PDE3A: variants seen among roughly 807,000 people sequenced by gnomAD.
The protein encoded by PDE3A is phosphodiesterase 3A, also known as cGMP-inhibited 3',5'-cyclic phosphodiesterase 3A.
A neutral mutation model predicts 98.3 loss-of-function variants in PDE3A; 43 were observed. The observed-to-expected ratio is 0.44, with a 90% CI of 0.34 to 0.56. PDE3A has a LOEUF of 0.56. PDE3A is among the 20% of genes least tolerant of loss of function. The pLI is 0.01. For missense variants in PDE3A, 1,427 were observed against 1,440.7 expected, an observed-to-expected ratio of 0.99 and a Z score of 0.15; for synonymous variants, 663 against 567.9, an observed-to-expected ratio of 1.17 and a Z score of -2.38.
intron 1 of PDE3A, among the ~76,000 whole-genome samples, chr12:20,474,846 T>C (rs1427853644): frequency 6.6e-6 from 1 of 152,212 alleles, no homozygotes; most frequent in Non-Finnish European, 1.5e-5. Flanking sequence ...ATCCTTAATT[T>C]AGTCTCATCC....
intron 1 of PDE3A, among the ~76,000 whole-genome samples, chr12:20,380,609 T>G (rs1943647169): frequency 6.6e-6 from 1 of 151,808 alleles, no homozygotes; most frequent in Non-Finnish European, 1.5e-5. Context: ...GATCATGACA[T>G]TAGATGAACT....
In PDE3A at chr12:20,621,419, A is replaced by G; in HGVS notation, c.1540+8A>G. On this transcript the variant is annotated splice_region_variant and intron_variant, in intron 5 of 15. Coordinates refer to ENST00000359062, the MANE Select transcript of PDE3A (RefSeq NM_000921.5). ...AAAAGCAAAGTCGACCAGGTAAGTA[A>G]CTTAACTGGAGAAGGGTTCATACTG... 1 of 1,416,780 alleles carries G rather than the reference A, an allele frequency of 7.1e-7. No homozygotes were observed. The highest frequency in any genetic ancestry group is 1.0e-6 in the Non-Finnish European group (1 of 1,000,312). 87.8% of individuals were successfully genotyped at this position (1,416,780 alleles called of 1,614,324 possible).
intron 1 of PDE3A, among the ~76,000 whole-genome samples, chr12:20,529,853 C>T (rs1232705071): frequency 6.6e-6 from 1 of 152,154 alleles, no homozygotes; most frequent in Non-Finnish European, 1.5e-5. Flanking sequence ...GTCATGGTCT[C>T]CTGGAGAAGT....
At chr12:20,485,306 A>C (rs1396951599) in intron 1 of PDE3A, among the ~76,000 whole-genome samples, 1 of 151,054 alleles carries the variant, frequency 6.6e-6, no homozygotes, top group African/African-American at 2.4e-5. Context: ...TCTGAATCCA[A>C]ATTTCTTTTT....
intron 2 of PDE3A, among the ~76,000 whole-genome samples, chr12:20,608,206 G>A (rs150513910): frequency 2.0e-5 from 3 of 152,284 alleles, no homozygotes; most frequent in African/African-American, 4.8e-5. Context: ...CAGGTTTGCT[G>A]CAAACAAATC....
chr12:20,420,213 G>A (rs551299743), intron 1 of PDE3A, among the ~76,000 whole-genome samples: 1 of 152,258 alleles, frequency 6.6e-6, no homozygotes, highest in South Asian at 2.1e-4. Context: ...TGGAGCCAGG[G>A]CTTCGGAGAA....
At chr12:20,666,201 G>C (rs1280408512) in intron 15 of PDE3A, among the ~76,000 whole-genome samples, 1 of 152,014 alleles carries the variant, frequency 6.6e-6, no homozygotes, top group South Asian at 2.1e-4. Context: ...CTGACCTCAA[G>C]TGGTCCATCC....
At chr12:20,517,351 A>C (rs932672983) in intron 1 of PDE3A, among the ~76,000 whole-genome samples, 1 of 152,194 alleles carries the variant, frequency 6.6e-6, no homozygotes, top group Non-Finnish European at 1.5e-5. Flanking sequence ...GGGTTGGACT[A>C]TGGGGATTAT....
rs541511763 is a variant in PDE3A at position 20,628,437 on chromosome 12, C to T, written c.1541-1471C>T. Among the ~76,000 whole-genome samples, 9 of 152,262 alleles carry T rather than the reference C, an allele frequency of 5.9e-5. 1 individual carries two copies. Among genetic ancestry groups the T allele is most frequent in the Non-Finnish European group, 5.9e-5 (4 of 68,032 alleles). ...GGAGCAATGCAAACGCTGCCTAATA[C>T]GCCATGGGTTTTACTTCCCCCTTGG... On this transcript the variant is annotated intron_variant, in intron 5 of 15. Coordinates refer to ENST00000359062, the MANE Select transcript of PDE3A (RefSeq NM_000921.5).
At chr12:20,548,524 G>C (rs1304346753) in intron 1 of PDE3A, among the ~76,000 whole-genome samples, 1 of 151,866 alleles carries the variant, frequency 6.6e-6, no homozygotes, top group East Asian at 1.9e-4. Flanking sequence ...TATTTTTCCA[G>C]TCTCAATCTC....
At chr12:20,622,572 T>C (rs1490363127) in intron 5 of PDE3A, among the ~76,000 whole-genome samples, 2 of 152,180 alleles carry the variant, frequency 1.3e-5, no homozygotes, top group Non-Finnish European at 2.9e-5. Flanking sequence ...AAGTCATTAT[T>C]GACCTGCTAA....
At chr12:20,593,444 G>A (rs1943387901) in intron 2 of PDE3A, among the ~76,000 whole-genome samples, 2 of 152,092 alleles carry the variant, frequency 1.3e-5, no homozygotes, top group South Asian at 4.2e-4. Context: ...ATTGGGAAAA[G>A]CCAAGTTTGT....
intron 1 of PDE3A, among the ~76,000 whole-genome samples, chr12:20,528,309 ATGGTTGTGTTTTGTGATCTG>A (rs1264000631): frequency 3.9e-5 from 6 of 152,260 alleles, no homozygotes; most frequent in Middle Eastern, 3.4e-3. Flanking sequence ...CATTATGTAC[ATGGTTGTGTTTTGTGATCTG>A]TGCTAGCACA....
intron 7 of PDE3A, 99 bp downstream of exon 7, chr12:20,633,877 G>A (rs1249908507): frequency 1.5e-6 from 1 of 669,970 alleles, no homozygotes; most frequent in Non-Finnish European, 2.6e-6. Context: ...ATTTTGTGGG[G>A]CGCTGGGAGA....
chr12:20,450,084 G>T, intron 1 of PDE3A: 1 of 550,832 alleles, frequency 1.8e-6, no homozygotes. Context: ...GCCTTCTGCT[G>T]GTGCCGTCTT....
At chr12:20,448,197 T>C (rs1307094793) in intron 1 of PDE3A, among the ~76,000 whole-genome samples, 5 of 152,120 alleles carry the variant, frequency 3.3e-5, no homozygotes, top group African/African-American at 7.2e-5. Flanking sequence ...GCTAGCACTT[T>C]GGGAGGCCGA....
intron 1 of PDE3A, among the ~76,000 whole-genome samples, chr12:20,457,937 T>A (rs1385107880): frequency 6.6e-6 from 1 of 152,110 alleles, no homozygotes; most frequent in Non-Finnish European, 1.5e-5. Flanking sequence ...ATTTATACAG[T>A]TAGATATTAT....
chr12:20,490,156 T>C (rs751826431), intron 1 of PDE3A, among the ~76,000 whole-genome samples: 6 of 152,222 alleles, frequency 3.9e-5, no homozygotes, highest in African/African-American at 7.2e-5. Flanking sequence ...ATTGAGTTTG[T>C]ATGATTTTTT....
chr12:20,559,593 C>T (rs920501826), intron 2 of PDE3A, among the ~76,000 whole-genome samples: 8 of 151,594 alleles, frequency 5.3e-5, no homozygotes. Context: ...ATCTCTTGAA[C>T]CCTGGAGGCG....
Sources: gnomAD v4.1 joint callset for allele counts (sites outside exome capture counted in the v4.1 genomes callset) on GRCh38, gnomAD v4.1.1 for gene constraint, MANE v1.5 for transcripts, NCBI Gene and HGNC (gene_info 2026-07-23, HGNC 2026-07-21) for gene names.